The following ATF7IP2 variants were observed in gnomAD, a reference collection of about 807,000 sequenced individuals.
The protein encoded by ATF7IP2 is activating transcription factor 7-interacting protein 2.
ATF7IP2 carries 42 observed loss-of-function variants against 64.2 expected under a neutral mutation model. That is an observed-to-expected ratio of 0.65 (90% CI 0.51 to 0.85). ATF7IP2 has a LOEUF of 0.85. Ranked by LOEUF, ATF7IP2 falls within the 40% of genes least tolerant of loss-of-function variation. The pLI, the probability that ATF7IP2 is intolerant of heterozygous loss-of-function variation, is 0.00. For synonymous variants in ATF7IP2, 308 were observed against 272.8 expected, an observed-to-expected ratio of 1.13 and a Z score of -1.27; for missense variants, 933 against 784.2, an observed-to-expected ratio of 1.19 and a Z score of -2.27.
intron 8 of ATF7IP2, among the ~76,000 whole-genome samples, chr16:10,454,806 T>A (rs1033794553): frequency 1.3e-5 from 2 of 152,212 alleles, no homozygotes; most frequent in African/African-American, 4.8e-5. Flanking sequence ...TCAAAATGAT[T>A]TATAATGTTC....
intron 3 of ATF7IP2, among the ~76,000 whole-genome samples, chr16:10,426,422 C>G (rs2048087038): frequency 6.6e-6 from 1 of 152,140 alleles, no homozygotes; most frequent in Admixed American, 6.5e-5. Flanking sequence ...ACTTGTCTCC[C>G]CTAAGCATTC....
At chr16:10,399,368 G>T (rs2047482229) in intron 1 of ATF7IP2, among the ~76,000 whole-genome samples, 1 of 152,112 alleles carries the variant, frequency 6.6e-6, no homozygotes, top group South Asian at 2.1e-4. Context: ...TTTAAGTATG[G>T]TAACAGATAG....
In ATF7IP2 at chr16:10,441,728, C is replaced by T. The variant is rs554061505; in HGVS notation, c.1194+1266C>T. On this transcript the variant is annotated intron_variant, in intron 8 of 13. Transcript: ENST00000562102. ...ACTCTGATGATAGTTTCCTTTGCTG[C>T]GCAGAATCTCTTTAGTTTAATTAGA... is the stretch of plus-strand genomic sequence containing the variant. Among the ~76,000 whole-genome samples, 440 of 152,222 alleles carry T rather than the reference C, an allele frequency of 2.9e-3. 4 individuals carry two copies. The highest frequency in any genetic ancestry group is 9.8e-3 in the African/African-American group (409 of 41,550).
At chr16:10,401,427 C>G (rs1356727615) in intron 1 of ATF7IP2, among the ~76,000 whole-genome samples, 1 of 152,206 alleles carries the variant, frequency 6.6e-6, no homozygotes, top group Non-Finnish European at 1.5e-5. Flanking sequence ...CTCGGCCTCC[C>G]ACAGTGCTGG....
intron 4 of ATF7IP2, among the ~76,000 whole-genome samples, chr16:10,429,775 TA>T (rs2048184087): frequency 6.8e-6 from 1 of 147,170 alleles, no homozygotes; most frequent in East Asian, 1.9e-4. Context: ...TATTTTATTT[TA>T]ATTTAATTTA....
rs531549784 is a variant in ATF7IP2 at position 10,404,962 on chromosome 16, A to G, written c.-241-9612A>G. Among the ~76,000 whole-genome samples, 3 of 152,352 alleles carry G rather than the reference A, an allele frequency of 2.0e-5. No individual in the cohort carries two copies. In the East Asian group the frequency reaches 5.8e-4, roughly 29 times the overall value. ...TATCCAACTAGATTAAGCTTCATAA[A>G]TGAAGGAGAAATAGTTTTTCTTATA... On this transcript the variant is annotated intron_variant, in intron 1 of 13. Transcript: ENST00000562102.
rs141006436 is a variant in ATF7IP2, at chr16:10,432,705, C to T, written c.836-820C>T. Among the ~76,000 whole-genome samples, 473 of 152,254 alleles carry T rather than the reference C, an allele frequency of 3.1e-3. 5 individuals are homozygous for T. The highest frequency in any genetic ancestry group is 0.011 in the African/African-American group (448 of 41,558). On this transcript the variant is annotated intron_variant, in intron 5 of 13. Coordinates refer to ENST00000562102, the MANE Select transcript of ATF7IP2 (RefSeq NM_001393719.1). ...CCAACATGGCGAAACCCCGTCTCTACTAAAAATACAAAAAAAATTAGCCAG... is the reference window on the plus strand; with the variant it reads ...CCAACATGGCGAAACCCCGTCTCTATTAAAAATACAAAAAAAATTAGCCAG...
intron 9 of ATF7IP2, among the ~76,000 whole-genome samples, chr16:10,468,749 G>A (rs912575831): frequency 3.9e-5 from 6 of 152,160 alleles, no homozygotes; most frequent in African/African-American, 9.6e-5. Flanking sequence ...GAGAGACTGG[G>A]GAAAGAACTA....
chr16:10,439,573 C>T (rs1264678923), intron 7 of ATF7IP2, among the ~76,000 whole-genome samples: 2 of 138,662 alleles, frequency 1.4e-5, no homozygotes, highest in Non-Finnish European at 3.1e-5. Context: ...CACTCTGTCG[C>T]CTAGGCTGGA....
chr16:10,444,075 C>T (rs1462234699), intron 8 of ATF7IP2, among the ~76,000 whole-genome samples: 2 of 152,060 alleles, frequency 1.3e-5, no homozygotes, highest in East Asian at 3.9e-4. Context: ...AAGGTACTTA[C>T]CTGAAGAGGC....
chr16:10,443,289 A>G (rs2048691393), intron 8 of ATF7IP2, among the ~76,000 whole-genome samples: 2 of 152,184 alleles, frequency 1.3e-5, no homozygotes, highest in South Asian at 2.1e-4. Flanking sequence ...TAAAATTGGC[A>G]TCGTTAGATG....
chr16:10,395,635 G>T (rs898051719), intron 1 of ATF7IP2, among the ~76,000 whole-genome samples: 1 of 152,138 alleles, frequency 6.6e-6, no homozygotes, highest in Non-Finnish European at 1.5e-5. Context: ...AATTTCTCAT[G>T]CAAGAATCTT....
At chr16:10,399,117 G>GAA (rs57209878) in intron 1 of ATF7IP2, among the ~76,000 whole-genome samples, 14 of 150,972 alleles carry the variant, frequency 9.3e-5, no homozygotes, top group South Asian at 4.2e-4. Context: ...CAGACTAAAA[G>GAA]AAAAAAAAAG....
intron 8 of ATF7IP2, chr16:10,449,487 G>A (rs564979280): frequency 1.7e-4 from 26 of 152,260 alleles, no homozygotes; most frequent in African/African-American, 5.5e-4. Flanking sequence ...TTCAGAACTC[G>A]TTATTGGTCT....
Position 10,457,430 on chromosome 16 carries a change from T to G in ATF7IP2, c.1253T>G (p.Ile418Ser). 6.2e-7 allele frequency: 1 copy of G among 1,607,904 alleles called. No individual in the cohort carries two copies. The highest frequency in any genetic ancestry group is 8.5e-7 in the Non-Finnish European group (1 of 1,177,810). Residue 418 changes from isoleucine (I) to serine (S), a missense_variant, in exon 9 of 14, where the codon ATT becomes AGT. Physicochemically the swap from Ile to Ser is moderately radical, Grantham distance 142. Transcript: ENST00000562102. ...AATCTTGAGTCAGTTAATAGTCCAATTGAAAAGTCTTCTGTGAATTATGAG... is the reference window on the plus strand; with the variant it reads ...AATCTTGAGTCAGTTAATAGTCCAAGTGAAAAGTCTTCTGTGAATTATGAG... ...DKNLESVNSP[I>S]EKSSVNYEPS...
chr16:10,441,214 T>C (rs570594830), intron 8 of ATF7IP2, among the ~76,000 whole-genome samples: 2 of 152,316 alleles, frequency 1.3e-5, no homozygotes, highest in South Asian at 4.1e-4. Context: ...TAAACGTACG[T>C]GTGCATGTGT....
At chr16:10,471,921 C>A in intron 9 of ATF7IP2, 189 bp from the exon 10 acceptor site, 1 of 407,312 alleles carries the variant, frequency 2.5e-6, no homozygotes, top group Middle Eastern at 6.6e-4. Context: ...AATCTTTAGT[C>A]ATATAACGGA....
chr16:10,395,810 G>A (rs2047409558), intron 1 of ATF7IP2, among the ~76,000 whole-genome samples: 1 of 152,090 alleles, frequency 6.6e-6, no homozygotes, highest in African/African-American at 2.4e-5. Context: ...AAAAACCCAC[G>A]GTTAACATCA....
intron 12 of ATF7IP2, among the ~76,000 whole-genome samples, chr16:10,476,597 C>T (rs1447045457): frequency 6.6e-6 from 1 of 151,910 alleles, no homozygotes; most frequent in Non-Finnish European, 1.5e-5. Flanking sequence ...ACCTATCAAC[C>T]CATCACCTAA....
Sources: gnomAD v4.1 joint callset for allele counts (sites outside exome capture counted in the v4.1 genomes callset) on GRCh38, gnomAD v4.1.1 for gene constraint, MANE v1.5 for transcripts, NCBI Gene and HGNC (gene_info 2026-07-23, HGNC 2026-07-21) for gene names.